The following RETREG3 variants were observed in gnomAD, a reference collection of about 807,000 sequenced individuals.
The protein encoded by RETREG3 is reticulophagy regulator family member 3, also known as reticulophagy regulator 3.
RETREG3 carries 23 observed loss-of-function variants against 50.2 expected under a neutral mutation model. The ratio of observed to expected loss-of-function variants is 0.46; its 90% CI spans 0.33 to 0.65. The LOEUF is 0.65. RETREG3 is among the 30% of genes least tolerant of loss of function. The pLI is 0.02. For missense variants in RETREG3, 546 were observed against 598.0 expected (o/e 0.91, Z 0.91); for synonymous variants, 240 against 234.4 (o/e 1.02, Z -0.22).
intron 2 of RETREG3, among the ~76,000 whole-genome samples, chr17:42,589,072 A>C (rs1475856076): frequency 6.7e-6 from 1 of 150,216 alleles, no homozygotes; most frequent in Admixed American, 6.7e-5. Flanking sequence ...GTTCAAGTCC[A>C]TCCTGGGAAA....
chr17:42,584,374 CAAGG>C (rs1293359122), intron 6 of RETREG3, among the ~76,000 whole-genome samples: 2 of 152,150 alleles, frequency 1.3e-5, no homozygotes, highest in Non-Finnish European at 2.9e-5. Context: ...CAAGACCACA[CAAGG>C]GAGGGAAAAG....
intron 6 of RETREG3, 147 bp from the exon 7 acceptor site, chr17:42,583,727 T>G (rs2093115230): frequency 1.6e-6 from 1 of 615,508 alleles, no homozygotes; most frequent in African/African-American, 1.9e-5. Flanking sequence ...AAGGCTGAGC[T>G]GCTGAGCCTA....
chr17:42,607,260 A>G (rs1212488908), intron 1 of RETREG3, among the ~76,000 whole-genome samples: 2 of 151,928 alleles, frequency 1.3e-5, no homozygotes, highest in African/African-American at 4.8e-5. Context: ...GCACTCTGGG[A>G]GCCCAAGGCA....
intron 3 of RETREG3, 110 bp downstream of exon 3, chr17:42,587,724 G>A: frequency 7.5e-7 from 1 of 1,334,312 alleles, no homozygotes; most frequent in Non-Finnish European, 1.1e-6. Context: ...AACAGCCTAG[G>A]TTCTCAGTTT....
At position 42,585,187 on chromosome 17, in the gene RETREG3, G is replaced by T. The variant is rs753920561; in HGVS notation, c.665C>A (p.Ala222Asp). 1 of 1,613,928 alleles carries T rather than the reference G, an allele frequency of 6.2e-7. No individual in the cohort carries two copies. The highest frequency in any genetic ancestry group is 8.5e-7 in the Non-Finnish European group (1 of 1,180,040). The part of the protein sequence containing the change: ...WDRAYVRLKP[A>D]LQRLDFSVRG... The stretch of plus-strand genomic sequence containing the variant: ...GACACTGAAGTCTAGCCGCTGCAGA[G>T]CTGGCTTCAGCCGCACATATGCTCG... Residue 222 changes from alanine to aspartate, a missense_variant, in exon 6 of 9, where the codon GCT becomes GAT. Transcript: ENST00000309428.
At chr17:42,598,718 G>A (rs188945395) in intron 1 of RETREG3, 36 of 152,154 alleles carry the variant, frequency 2.4e-4, no homozygotes, top group Admixed American at 2.0e-3. Context: ...ACGTTATATC[G>A]TGAACACAAA....
rs139896786 is a variant in RETREG3 at position 42,581,233 on chromosome 17, G to A, written c.*580C>T. 0.015 allele frequency: 2,268 copies of A among 152,256 alleles called. 56 individuals are homozygous for A. The highest frequency in any genetic ancestry group is 0.052 in the African/African-American group (2,160 of 41,474). The allele number at this position is 152,256 out of a possible 1,614,324, so 9.4% of individuals were successfully genotyped here. ...CCAAAAGAAAAATTAGCCGGGCATA[G>A]TAGCGGGCACCTGTAATCCCACTAC... On this transcript the variant is annotated 3_prime_UTR_variant, in exon 9 of 9. Transcript: ENST00000309428.
chr17:42,609,193 C>T lies in RETREG3; in HGVS notation c.132G>A (p.Glu44=), dbSNP rs759225406. 2.3e-5 allele frequency: 37 copies of T among 1,609,394 alleles called. No homozygotes were observed. The highest frequency in any genetic ancestry group is 3.1e-5 in the Non-Finnish European group (37 of 1,179,820). ...QVEAAQRALV[E]VLGPYEPLLS... Reference sequence around the variant, plus strand: ...GCAGAGGCTCGTAAGGCCCCAGCACCTCCACCAGGGCCCGCTGCGCCGCCT... The same window carrying T: ...GCAGAGGCTCGTAAGGCCCCAGCACTTCCACCAGGGCCCGCTGCGCCGCCT... Residue 44 remains glutamate (E), a synonymous_variant, in exon 1 of 9, where the codon GAG becomes GAA. Coordinates refer to ENST00000309428, the MANE Select transcript of RETREG3 (RefSeq NM_178126.4).
At chr17:42,604,250 G>A (rs2093163729) in intron 1 of RETREG3, among the ~76,000 whole-genome samples, 1 of 151,960 alleles carries the variant, frequency 6.6e-6, no homozygotes, top group African/African-American at 2.4e-5. Flanking sequence ...ATACAGTATG[G>A]TTCACTGAGA....
chr17:42,591,982 C>G, intron 2 of RETREG3, 74 bp downstream of exon 2: 1 of 1,307,724 alleles, frequency 7.6e-7, no homozygotes, highest in South Asian at 1.3e-5. Context: ...CCTCATAAAC[C>G]CCTAATACTA....
At chr17:42,608,061 T>C (rs1338757854) in intron 1 of RETREG3, among the ~76,000 whole-genome samples, 2 of 152,208 alleles carry the variant, frequency 1.3e-5, no homozygotes, top group Non-Finnish European at 2.9e-5. Context: ...AATAAATGTT[T>C]TGATTTTAAA....
At chr17:42,584,369 CCA>C (rs2093116627) in intron 6 of RETREG3, among the ~76,000 whole-genome samples, 1 of 152,176 alleles carries the variant, frequency 6.6e-6, no homozygotes. Flanking sequence ...CCTGACAAGA[CCA>C]CACAAGGGAG....
chr17:42,581,792 C>T lies in RETREG3; in HGVS notation c.*21G>A. The T allele has an allele frequency of 1.3e-6, 2 of 1,535,830 alleles. No homozygotes were observed. Among genetic ancestry groups the T allele is most frequent in the Non-Finnish European group, 1.8e-6 (2 of 1,142,304 alleles). On this transcript the variant is annotated 3_prime_UTR_variant, in exon 9 of 9. Transcript: ENST00000309428. Reference sequence around the variant, plus strand: ...GAGAAAAAAACCTAAACCACAGTGACTCCCAAAAGGAGTCTCTGCCTCAGT... The same window carrying T: ...GAGAAAAAAACCTAAACCACAGTGATTCCCAAAAGGAGTCTCTGCCTCAGT...
Position 42,582,679 on chromosome 17 carries a change from G to A in RETREG3, c.938C>T (p.Ser313Phe). ...SRGQTPLTEGSEDLDGHSDPE... is the reference protein window; with the variant it reads ...SRGQTPLTEGFEDLDGHSDPE... ...AGGTCAAAGGCTCCCCTCACCTTCA[G>A]AGCCTTCCGTTAGAGGTGTTTGGCC... Residue 313 changes from serine (S) to phenylalanine (F), a missense_variant, in exon 8 of 9, where the codon TCT becomes TTT. Coordinates refer to ENST00000309428, the MANE Select transcript of RETREG3 (RefSeq NM_178126.4). 6.2e-7 allele frequency: 1 copy of A among 1,614,206 alleles called. No individual in the cohort carries two copies. The highest frequency in any genetic ancestry group is 1.3e-5 in the African/African-American group (1 of 75,068).
chr17:42,604,713 A>AC (rs2093164729), intron 1 of RETREG3, among the ~76,000 whole-genome samples: 1 of 151,790 alleles, frequency 6.6e-6, no homozygotes, highest in Non-Finnish European at 1.5e-5. Flanking sequence ...AAAAAAAAAA[A>AC]AAAAACTGAA....
At chr17:42,589,559 A>T (rs1257815103) in intron 2 of RETREG3, among the ~76,000 whole-genome samples, 1 of 152,144 alleles carries the variant, frequency 6.6e-6, no homozygotes, top group Middle Eastern at 3.2e-3. Flanking sequence ...CAGCCTCCCA[A>T]GTAGCTGGGG....
At chr17:42,587,775 A>G in intron 3 of RETREG3, 59 bp downstream of exon 3, 1 of 1,593,228 alleles carries the variant, frequency 6.3e-7, no homozygotes, top group Non-Finnish European at 8.6e-7. Context: ...ACATGTAACC[A>G]GAATATTACA....
At chr17:42,605,579 A>C (rs1396483796) in intron 1 of RETREG3, among the ~76,000 whole-genome samples, 1 of 152,198 alleles carries the variant, frequency 6.6e-6, no homozygotes, top group Non-Finnish European at 1.5e-5. Flanking sequence ...TTCCCCAAAC[A>C]ATTCTGTGAA....
intron 1 of RETREG3, among the ~76,000 whole-genome samples, chr17:42,607,579 CA>C (rs1339198959): frequency 6.8e-6 from 1 of 146,778 alleles, no homozygotes. Context: ...CCGAGGCAGG[CA>C]GATCACCTGA....
Sources: gnomAD v4.1 joint callset for allele counts (sites outside exome capture counted in the v4.1 genomes callset) on GRCh38, gnomAD v4.1.1 for gene constraint, MANE v1.5 for transcripts, NCBI Gene and HGNC (gene_info 2026-07-23, HGNC 2026-07-21) for gene names.